GPD2: variants seen among roughly 807,000 people sequenced by gnomAD.
The protein encoded by GPD2 is glycerol-3-phosphate dehydrogenase 2.
Under a neutral mutation model 82.4 loss-of-function variants are expected in GPD2, and 54 were observed. The ratio of observed to expected loss-of-function variants is 0.66; its 90% CI spans 0.53 to 0.82. The LOEUF (loss-of-function observed/expected upper bound fraction) is 0.82. Among genes scored for constraint, GPD2 ranks in the 40% least tolerant of loss-of-function variants. The probability of loss-of-function intolerance (pLI) is 0.00; values close to 1 mark genes in which losing one functional copy is unlikely to be tolerated. For synonymous variants in GPD2, 288 were observed against 306.1 expected, an observed-to-expected ratio of 0.94 and a Z score of 0.62; for missense variants, 748 against 896.2, an observed-to-expected ratio of 0.83 and a Z score of 2.11.
chr2:156,576,198 G>T (rs1017612858), intron 13 of GPD2, among the ~76,000 whole-genome samples: 2 of 152,150 alleles, frequency 1.3e-5, no homozygotes, highest in African/African-American at 4.8e-5. Context: ...AAATCCAATT[G>T]CAATCTTAAG....
At chr2:156,485,319 C>T (rs1272822206) in intron 2 of GPD2, among the ~76,000 whole-genome samples, 2 of 152,196 alleles carry the variant, frequency 1.3e-5, no homozygotes, top group Non-Finnish European at 2.9e-5. Flanking sequence ...ACCTGTTTTG[C>T]TTAAAGAGCC....
At chr2:156,572,466 C>T (rs1270621406) in intron 13 of GPD2, among the ~76,000 whole-genome samples, 2 of 151,942 alleles carry the variant, frequency 1.3e-5, no homozygotes, top group Non-Finnish European at 2.9e-5. Context: ...CAATAGCTTC[C>T]CTCCCCTTAA....
the GPD2 span, among the ~76,000 whole-genome samples, chr2:156,400,831 G>A: frequency 5.3e-5 from 8 of 152,254 alleles, no homozygotes; most frequent in South Asian, 4.1e-4. Flanking sequence ...TTCAATCCCC[G>A]GCATCTCCAA....
At chr2:156,503,902 A>G (rs1376246568) in intron 3 of GPD2, among the ~76,000 whole-genome samples, 2 of 152,092 alleles carry the variant, frequency 1.3e-5, no homozygotes, top group African/African-American at 4.8e-5. Flanking sequence ...AACATTGGGT[A>G]TGTTTGATAA....
At chr2:156,476,280 T>A in intron 2 of GPD2, 73 bp downstream of exon 2, 2 of 837,332 alleles carry the variant, frequency 2.4e-6, no homozygotes, top group Non-Finnish European at 4.2e-6. Flanking sequence ...GGGGAATGTG[T>A]GCACTAACGG....
rs1404030556 is a variant in GPD2 at position 156,583,096 on chromosome 2, T to A, written c.*178T>A. 4.5e-6 allele frequency: 3 copies of A among 673,780 alleles called. No individual in the cohort carries two copies. Among genetic ancestry groups the A allele is most frequent in the Non-Finnish European group, 7.9e-6 (3 of 381,028 alleles). 41.7% of individuals were successfully genotyped at this position (673,780 alleles called of 1,614,324 possible). ...TTTGCCAGCTTTATTTGCTGTACTT[T>A]ATTTGTATTTGCCATTCAGTCTAGC... On this transcript the variant is annotated 3_prime_UTR_variant, in exon 17 of 17. Coordinates refer to ENST00000438166, the MANE Select transcript of GPD2 (RefSeq NM_000408.5).
In GPD2 at chr2:156,550,679, G is replaced by A. The variant is rs770612633; in HGVS notation, c.904G>A (p.Asp302Asn). ...CACGGACTCTGTGCGCAAAATGGAT[G>A]ATAAAGACGCAGCAGCTATCTGCCA... ...PFTDSVRKMDDKDAAAICQPS... is the reference protein window; with the variant it reads ...PFTDSVRKMDNKDAAAICQPS... Residue 302 changes from aspartate (D) to asparagine (N), a missense_variant, in exon 8 of 17, where the codon GAT becomes AAT. Coordinates refer to ENST00000438166, the MANE Select transcript of GPD2 (RefSeq NM_000408.5). The A allele has an allele frequency of 5.6e-6, 9 of 1,613,744 alleles. No homozygotes were observed. In the Admixed American group the frequency reaches 1.2e-4, roughly 21 times the overall value.
intron 2 of GPD2, among the ~76,000 whole-genome samples, chr2:156,479,283 A>AATGC: frequency 6.6e-6 from 1 of 152,340 alleles, no homozygotes; most frequent in South Asian, 2.1e-4. Context: ...ACTTACCTTT[A>AATGC]ATGCAGTTGC....
At chr2:156,548,713 G>A (rs1686642750) in intron 6 of GPD2, among the ~76,000 whole-genome samples, 1 of 152,110 alleles carries the variant, frequency 6.6e-6, no homozygotes, top group Non-Finnish European at 1.5e-5. Flanking sequence ...CCCTTTATCA[G>A]TATTATCTTG....
At chr2:156,459,486 A>C (rs590754) in intron 1 of GPD2, among the ~76,000 whole-genome samples, 1 of 151,952 alleles carries the variant, frequency 6.6e-6, no homozygotes, top group Non-Finnish European at 1.5e-5. Context: ...GGAGATTGAG[A>C]CCATCCTGGC....
At chr2:156,556,287 A>G (rs554905282) in intron 8 of GPD2, among the ~76,000 whole-genome samples, 4 of 152,338 alleles carry the variant, frequency 2.6e-5, no homozygotes, top group African/African-American at 4.8e-5. Flanking sequence ...AGCTAAAAAC[A>G]TATTTATAGA....
At chr2:156,532,237 C>T (rs1482781842) in intron 6 of GPD2, among the ~76,000 whole-genome samples, 1 of 152,194 alleles carries the variant, frequency 6.6e-6, no homozygotes, top group East Asian at 1.9e-4. Context: ...GAACACCTGG[C>T]TTCAAGTTGT....
rs777688223 is a variant in GPD2 at position 156,550,729 on chromosome 2, G to A, written c.954G>A (p.Val318=). 6.2e-7 allele frequency: 1 copy of A among 1,613,574 alleles called. No homozygotes were observed. Among genetic ancestry groups the A allele is most frequent in the East Asian group, 2.2e-5 (1 of 44,856 alleles). The stretch of plus-strand genomic sequence containing the variant: ...AGCCAAGTGCTGGTGTCCATATTGT[G>A]ATGCCTGGTTATTACAGGTAATTGT... ...ICQPSAGVHI[V]MPGYYSPESM... The change falls in exon 8 of 17, where the codon GTG becomes GTA. Residue 318 remains valine (V), a synonymous_variant. Transcript: ENST00000438166.
chr2:156,407,047 C>T, the GPD2 span, among the ~76,000 whole-genome samples: 151 of 152,170 alleles, frequency 9.9e-4, no homozygotes, highest in African/African-American at 3.4e-3. Flanking sequence ...CCCGTCTCTA[C>T]TAAAAAATAC....
At chr2:156,553,713 G>T (rs968892879) in intron 8 of GPD2, among the ~76,000 whole-genome samples, 1 of 151,998 alleles carries the variant, frequency 6.6e-6, no homozygotes, top group African/African-American at 2.4e-5. Context: ...AAAATTTTGT[G>T]TGAAAGTGGT....
Position 156,496,158 on chromosome 2 carries a change from C to G in GPD2, c.217C>G (p.Leu73Val). 1 of 1,612,778 alleles carries G rather than the reference C, an allele frequency of 6.2e-7. No individual in the cohort carries two copies. The highest frequency in any genetic ancestry group is 1.1e-5 in the South Asian group (1 of 91,062). ...TLQNTSEFDI[L>V]VIGGGATGSG... ...GCAAAACACATCTGAATTTGATATC[C>G]TTGTTATTGGAGGAGGAGCAACAGG... Residue 73 changes from leucine to valine, a missense_variant, in exon 3 of 17, where the codon CTT (leucine) becomes GTT (valine). Coordinates refer to ENST00000438166, the MANE Select transcript of GPD2 (RefSeq NM_000408.5).
intron 8 of GPD2, among the ~76,000 whole-genome samples, chr2:156,556,691 G>A (rs1686975366): frequency 6.6e-6 from 1 of 152,144 alleles, no homozygotes. Context: ...CATTGCTAAA[G>A]TGTTCCTCTC....
At chr2:156,570,002 C>G (rs1687554339) in intron 11 of GPD2, 85 bp from the exon 12 acceptor site, 2 of 1,175,012 alleles carry the variant, frequency 1.7e-6, no homozygotes, top group Admixed American at 3.5e-5. Flanking sequence ...AGAAAACTGA[C>G]AAGATAAGCA....
At chr2:156,443,890 C>T (rs1682264366) in intron 1 of GPD2, among the ~76,000 whole-genome samples, 1 of 152,186 alleles carries the variant, frequency 6.6e-6, no homozygotes, top group African/African-American at 2.4e-5. Context: ...ACAAAAATTA[C>T]CTTGTCCCCC....
Sources: gnomAD v4.1 joint callset for allele counts (sites outside exome capture counted in the v4.1 genomes callset) on GRCh38, gnomAD v4.1.1 for gene constraint, MANE v1.5 for transcripts, NCBI Gene and HGNC (gene_info 2026-07-23, HGNC 2026-07-21) for gene names.